The following LSM14A variants were observed in gnomAD, a reference collection of about 807,000 sequenced individuals.
LSM14A encodes LSM14A mRNA processing body assembly factor.
In LSM14A, 14 loss-of-function variants were observed where a neutral mutation model predicts 52.4. The observed-to-expected ratio is 0.27, with a 90% CI of 0.18 to 0.42. The LOEUF is 0.42. LSM14A is among the 10% of genes least tolerant of loss of function. The pLI, the probability that LSM14A is intolerant of heterozygous loss-of-function variation, is 1.00. For synonymous variants in LSM14A, 185 were observed against 200.3 expected (o/e 0.92, Z 0.64); for missense variants, 417 against 581.8 (o/e 0.72, Z 2.91).
At chr19:34,214,073 G>A (rs1340744845) in intron 4 of LSM14A, among the ~76,000 whole-genome samples, 2 of 152,072 alleles carry the variant, frequency 1.3e-5, no homozygotes, top group Non-Finnish European at 2.9e-5. Context: ...GTGAGCAACC[G>A]CGCCCAGCCA....
chr19:34,214,546 C>T (rs1375736345), intron 4 of LSM14A, among the ~76,000 whole-genome samples: 8 of 152,064 alleles, frequency 5.3e-5, no homozygotes, highest in African/African-American at 9.7e-5. Flanking sequence ...TGGGCTCAAG[C>T]GATCCTCCTG....
intron 1 of LSM14A, among the ~76,000 whole-genome samples, chr19:34,174,118 T>G (rs1162895292): frequency 1.3e-5 from 2 of 152,104 alleles, no homozygotes; most frequent in Non-Finnish European, 2.9e-5. Context: ...CCTAGCTAAT[T>G]TGGTATTTTT....
At chr19:34,180,267 T>C (rs1482237542) in intron 1 of LSM14A, among the ~76,000 whole-genome samples, 1 of 152,200 alleles carries the variant, frequency 6.6e-6, no homozygotes, top group Non-Finnish European at 1.5e-5. Flanking sequence ...TGTAAAATAA[T>C]TTATTCCCAA....
chr19:34,189,070 G>A (rs898728114), intron 1 of LSM14A, among the ~76,000 whole-genome samples: 8 of 152,122 alleles, frequency 5.3e-5, no homozygotes, highest in African/African-American at 1.9e-4. Context: ...TAACTTCCCT[G>A]AGGGTGGGGA....
intron 6 of LSM14A, among the ~76,000 whole-genome samples, chr19:34,218,415 T>C (rs923321528): frequency 3.9e-5 from 6 of 152,226 alleles, no homozygotes; most frequent in African/African-American, 1.4e-4. Flanking sequence ...TCTAGATTTA[T>C]GTCTGGATAT....
intron 1 of LSM14A, among the ~76,000 whole-genome samples, chr19:34,186,425 G>T (rs2069915851): frequency 6.6e-6 from 1 of 152,202 alleles, no homozygotes. Context: ...CATCCAGTCA[G>T]TGGAAGGCCT....
At chr19:34,173,448 T>C (rs1376519631) in intron 1 of LSM14A, among the ~76,000 whole-genome samples, 3 of 152,218 alleles carry the variant, frequency 2.0e-5, no homozygotes, top group African/African-American at 7.2e-5. Context: ...GGGTTCAAGC[T>C]TGATCCAGGA....
chr19:34,201,411 C>T (rs1484959482), intron 3 of LSM14A, among the ~76,000 whole-genome samples: 2 of 152,188 alleles, frequency 1.3e-5, no homozygotes, highest in Non-Finnish European at 2.9e-5. Flanking sequence ...GGTGCGATCT[C>T]AGCTCACTGC....
At chr19:34,226,380 T>C (rs1190929377) in intron 9 of LSM14A, 3 of 1,214,590 alleles carry the variant, frequency 2.5e-6, no homozygotes, top group African/African-American at 1.6e-5. Context: ...TTTCTCTTTT[T>C]TTTTTTTTTT....
intron 4 of LSM14A, 22 bp downstream of exon 4, chr19:34,209,073 A>G: frequency 6.5e-7 from 1 of 1,531,696 alleles, no homozygotes; most frequent in Non-Finnish European, 8.8e-7. Flanking sequence ...CATCCCTAAA[A>G]TATTTCCATT....
chr19:34,173,728 A>G (rs923679145), intron 1 of LSM14A, among the ~76,000 whole-genome samples: 6 of 152,216 alleles, frequency 3.9e-5, no homozygotes, highest in African/African-American at 1.2e-4. Flanking sequence ...CTTTGAGGGA[A>G]GCTAGATAAC....
chr19:34,221,831 T>C (rs537252), intron 9 of LSM14A, 93 bp downstream of exon 9: 517,479 of 1,478,866 alleles, frequency 0.35, 94,843 homozygotes, highest in African/African-American at 0.4. Flanking sequence ...GTGAATTGTT[T>C]TGAGGACATT....
At chr19:34,188,241 G>A (rs1035448079) in intron 1 of LSM14A, among the ~76,000 whole-genome samples, 11 of 152,116 alleles carry the variant, frequency 7.2e-5, no homozygotes, top group Non-Finnish European at 1.6e-4. Flanking sequence ...AGCCGAGATG[G>A]CACCACTGCC....
chr19:34,201,714 T>G (rs1382649045), intron 3 of LSM14A, among the ~76,000 whole-genome samples: 1 of 152,244 alleles, frequency 6.6e-6, no homozygotes, highest in African/African-American at 2.4e-5. Flanking sequence ...TTCCTAGTAT[T>G]CTGATTTTAA....
At chr19:34,176,731 TA>T (rs1206017515) in intron 1 of LSM14A, among the ~76,000 whole-genome samples, 1 of 152,280 alleles carries the variant, frequency 6.6e-6, no homozygotes, top group African/African-American at 2.4e-5. Flanking sequence ...ACAATGCTTT[TA>T]TGAACATTTC....
chr19:34,217,631 T>G (rs1294350660), intron 6 of LSM14A, among the ~76,000 whole-genome samples: 1 of 120,106 alleles, frequency 8.3e-6, no homozygotes, highest in African/African-American at 3.1e-5. Flanking sequence ...TTTTTTTTTT[T>G]TTTTTTTTTT....
intron 1 of LSM14A, among the ~76,000 whole-genome samples, chr19:34,192,541 G>C (rs2070503365): frequency 7.0e-6 from 1 of 142,626 alleles, no homozygotes; most frequent in African/African-American, 2.6e-5. Flanking sequence ...TTTTGTTGAG[G>C]CCGGTGTCAA....
intron 1 of LSM14A, among the ~76,000 whole-genome samples, chr19:34,186,745 G>A (rs963414122): frequency 1.3e-5 from 2 of 152,116 alleles, no homozygotes; most frequent in East Asian, 3.9e-4. Flanking sequence ...GCTGATACAG[G>A]ACTGAAGAGT....
chr19:34,194,047 C>T (rs1432523356), intron 1 of LSM14A, among the ~76,000 whole-genome samples: 1 of 152,126 alleles, frequency 6.6e-6, no homozygotes, highest in Non-Finnish European at 1.5e-5. Flanking sequence ...GTGGCACATG[C>T]CTGTGGTCCC....
Sources: gnomAD v4.1 joint callset for allele counts (sites outside exome capture counted in the v4.1 genomes callset) on GRCh38, gnomAD v4.1.1 for gene constraint, MANE v1.5 for transcripts, NCBI Gene and HGNC (gene_info 2026-07-23, HGNC 2026-07-21) for gene names.